The following PPP2R3C variants were observed in gnomAD, a reference collection of about 807,000 sequenced individuals.
PPP2R3C encodes the protein protein phosphatase 2 regulatory subunit B''gamma.
PPP2R3C carries 47 observed loss-of-function variants against 63.7 expected under a neutral mutation model. The ratio of observed to expected loss-of-function variants is 0.74; its 90% CI spans 0.58 to 0.94. PPP2R3C has a LOEUF of 0.94. Among genes scored for constraint, PPP2R3C ranks in the 40% least tolerant of loss-of-function variants. The pLI is 0.00. For missense variants in PPP2R3C, 421 were observed against 518.4 expected (o/e 0.81, Z 1.82); for synonymous variants, 180 against 177.4 (o/e 1.01, Z -0.12).
chr14:35,088,207 T>C (rs1449967124), intron 11 of PPP2R3C, 197 bp from the exon 12 acceptor site: 6 of 592,618 alleles, frequency 1.0e-5, no homozygotes, highest in South Asian at 6.3e-5. Flanking sequence ...GATTAGTGTA[T>C]TGACCTTTTT....
rs76926460 is a variant in PPP2R3C at position 35,097,498 on chromosome 14, T to C, written c.707-734A>G. On this transcript the variant is annotated intron_variant, in intron 7 of 12. Transcript: ENST00000261475. ...GTTCTTGTTCTTTTTTTTTTTTTTTTTGAGACAGAGTTTCGCTCTTGTTGC... is the reference window on the plus strand; with the variant it reads ...GTTCTTGTTCTTTTTTTTTTTTTTTCTGAGACAGAGTTTCGCTCTTGTTGC... Among the ~76,000 whole-genome samples the C allele has an allele frequency of 4.6e-5, 7 of 151,234 alleles. No individual in the cohort carries two copies. In the South Asian group the frequency reaches 1.5e-3, roughly 31 times the overall value.
chr14:35,093,614 AT>A (rs1358460280), intron 10 of PPP2R3C, among the ~76,000 whole-genome samples: 1 of 151,684 alleles, frequency 6.6e-6, no homozygotes, highest in Non-Finnish European at 1.5e-5. Flanking sequence ...CAATATGACT[AT>A]TTTTTAAGCA....
intron 10 of PPP2R3C, among the ~76,000 whole-genome samples, chr14:35,093,074 A>G (rs1194326055): frequency 6.6e-5 from 10 of 152,014 alleles, no homozygotes; most frequent in Admixed American, 2.0e-4. Flanking sequence ...TTAGCCGGGC[A>G]TGGTGGCGGG....
Position 35,109,967 on chromosome 14 carries a change from T to TA in PPP2R3C, c.292-37dup, listed in dbSNP as rs754369516. On this transcript the variant is annotated intron_variant, in intron 3 of 12. Coordinates refer to ENST00000261475, the MANE Select transcript of PPP2R3C (RefSeq NM_017917.4). ...TTGTGGAAGTGAAGATGTTGTAAGT[T>TA]AAAAACAACAAGATTTTAATATGTA... The TA allele has an allele frequency of 2.8e-6, 4 of 1,442,042 alleles. No homozygotes were observed. In the South Asian group the frequency reaches 4.9e-5, roughly 18 times the overall value. The allele number at this position is 1,442,042 out of a possible 1,614,324, so 89.3% of individuals were successfully genotyped here.
At chr14:35,108,931 CT>C (rs927878447) in intron 4 of PPP2R3C, among the ~76,000 whole-genome samples, 71 of 146,972 alleles carry the variant, frequency 4.8e-4, no homozygotes, top group Non-Finnish European at 4.4e-4. Context: ...TGTTTGCATT[CT>C]TTTTTTTTTT....
At position 35,085,575 on chromosome 14, in the gene PPP2R3C, C is replaced by T. The variant is rs777553183; in HGVS notation, c.*15G>A. On this transcript the variant is annotated 3_prime_UTR_variant, in exon 13 of 13. Transcript: ENST00000261475. ...CAAGTATCTCATAATATAAGACAGT[C>T]TAGTCTTTCAGAGATCATGTATCAT... The T allele has an allele frequency of 3.8e-6, 6 of 1,582,466 alleles. No homozygotes were observed. Among genetic ancestry groups the T allele is most frequent in the South Asian group, 1.2e-5 (1 of 86,114 alleles).
chr14:35,115,169 T>C (rs1234578621), intron 2 of PPP2R3C, among the ~76,000 whole-genome samples: 1 of 146,944 alleles, frequency 6.8e-6, no homozygotes, highest in East Asian at 2.0e-4. Flanking sequence ...TTCTTTTTCT[T>C]TTTTTTTTTT....
chr14:35,115,048 G>C (rs190761014), intron 2 of PPP2R3C, among the ~76,000 whole-genome samples: 245 of 151,852 alleles, frequency 1.6e-3, no homozygotes, highest in African/African-American at 5.7e-3. Flanking sequence ...TGCCCAGGCT[G>C]GTCTCAAACT....
chr14:35,117,656 C>A (rs1025219880), intron 1 of PPP2R3C, among the ~76,000 whole-genome samples: 42 of 151,910 alleles, frequency 2.8e-4, no homozygotes, highest in African/African-American at 1.0e-3. Flanking sequence ...TAATTGTTTC[C>A]TTGAATTCCT....
intron 6 of PPP2R3C, chr14:35,102,097 G>C (rs1038263332): frequency 6.7e-6 from 1 of 148,434 alleles, no homozygotes; most frequent in Middle Eastern, 3.2e-3. Context: ...CGCAATCTCA[G>C]CTCACTGAAA....
intron 12 of PPP2R3C, 150 bp downstream of exon 12, chr14:35,087,801 G>A: frequency 1.6e-6 from 1 of 638,684 alleles, no homozygotes; most frequent in Non-Finnish European, 2.8e-6. Flanking sequence ...TGTGGTCTCA[G>A]TTCGTAATGA....
chr14:35,095,235 C>A, intron 9 of PPP2R3C, 51 bp from the exon 10 acceptor site: 2 of 1,565,706 alleles, frequency 1.3e-6, no homozygotes, highest in Admixed American at 1.9e-5. Flanking sequence ...AAATTTTAAT[C>A]AGAAGAATAG....
intron 11 of PPP2R3C, among the ~76,000 whole-genome samples, chr14:35,088,542 C>CA (rs1481528753): frequency 6.6e-6 from 1 of 152,166 alleles, no homozygotes; most frequent in Non-Finnish European, 1.5e-5. Flanking sequence ...AGTAGGAATA[C>CA]AAAATACTTC....
At chr14:35,119,394 T>C (rs1372232225) in intron 1 of PPP2R3C, among the ~76,000 whole-genome samples, 1 of 152,094 alleles carries the variant, frequency 6.6e-6, no homozygotes, top group Non-Finnish European at 1.5e-5. Context: ...TGCAGTATAG[T>C]GTCATGATCA....
At chr14:35,088,921 GAGT>G (rs1291457128) in intron 11 of PPP2R3C, among the ~76,000 whole-genome samples, 1 of 152,080 alleles carries the variant, frequency 6.6e-6, no homozygotes, top group Non-Finnish European at 1.5e-5. Flanking sequence ...AATATTCTAA[GAGT>G]AGAAAATACT....
Position 35,088,042 on chromosome 14 carries a change from AAAATG to A in PPP2R3C, c.1114-37_1114-33del, listed in dbSNP as rs774426497. 4.8e-6 allele frequency: 7 copies of A among 1,464,134 alleles called. No homozygotes were observed. In the South Asian group the frequency reaches 8.0e-5, roughly 17 times the overall value. 90.7% of individuals were successfully genotyped at this position (1,464,134 alleles called of 1,614,324 possible). On this transcript the variant is annotated intron_variant, in intron 11 of 12. Transcript: ENST00000261475. ...TTAATAGAAATAAATCTGTAAATAA[AAAATG>A]AAATACACAACATCCCTCTTTTGCC...
intron 10 of PPP2R3C, among the ~76,000 whole-genome samples, chr14:35,094,154 T>C (rs2045922263): frequency 6.6e-6 from 1 of 152,066 alleles, no homozygotes; most frequent in African/African-American, 2.4e-5. Context: ...TAGCTGAAAA[T>C]AGCCAGAATA....
intron 2 of PPP2R3C, among the ~76,000 whole-genome samples, chr14:35,115,644 C>T (rs866227745): frequency 9.3e-5 from 14 of 150,594 alleles, no homozygotes; most frequent in African/African-American, 2.7e-4. Flanking sequence ...TTGTTTGAGA[C>T]AGAGCCTTGC....
At chr14:35,096,832 A>C in intron 7 of PPP2R3C, 68 bp from the exon 8 acceptor site, 1 of 1,393,616 alleles carries the variant, frequency 7.2e-7, no homozygotes, top group Non-Finnish European at 9.6e-7. Context: ...AATTAAAAAA[A>C]AATTTTTTTA....
Sources: gnomAD v4.1 joint callset for allele counts (sites outside exome capture counted in the v4.1 genomes callset) on GRCh38, gnomAD v4.1.1 for gene constraint, MANE v1.5 for transcripts, NCBI Gene and HGNC (gene_info 2026-07-23, HGNC 2026-07-21) for gene names.